TMEM41B: variants seen among roughly 807,000 people sequenced by gnomAD.
The protein encoded by TMEM41B is transmembrane protein 41B, also known as protein stasimon.
Under a neutral mutation model 31.9 loss-of-function variants are expected in TMEM41B, and 18 were observed. The observed-to-expected ratio is 0.56, with a 90% confidence interval of 0.39 to 0.84. The LOEUF is 0.84. TMEM41B is among the 40% of genes least tolerant of loss of function. TMEM41B has a pLI of 0.00. For synonymous variants in TMEM41B, 144 were observed against 124.3 expected (o/e 1.16, Z -1.05); for missense variants, 322 against 348.0 (o/e 0.93, Z 0.59).
At chr11:9,309,258 AAG>A (rs1256112613) in intron 1 of TMEM41B, among the ~76,000 whole-genome samples, 4 of 151,994 alleles carry the variant, frequency 2.6e-5, no homozygotes, top group African/African-American at 9.7e-5. Context: ...AAAAAAAAGA[AAG>A]AAAGAAAAAT....
chr11:9,307,529 G>A (rs1044583453), intron 1 of TMEM41B, among the ~76,000 whole-genome samples: 9 of 150,992 alleles, frequency 6.0e-5, no homozygotes, highest in South Asian at 2.1e-4. Flanking sequence ...CACAACCTCC[G>A]TCTCCCAGGT....
chr11:9,300,588 T>C (rs1013124857), intron 1 of TMEM41B, among the ~76,000 whole-genome samples: 20 of 152,200 alleles, frequency 1.3e-4, no homozygotes, highest in Admixed American at 7.2e-4. Flanking sequence ...TAAAAAATTA[T>C]ATGAACGAGG....
intron 3 of TMEM41B, 99 bp from the exon 4 acceptor site, chr11:9,288,634 T>C: frequency 1.2e-6 from 1 of 819,284 alleles, no homozygotes; most frequent in Non-Finnish European, 1.9e-6. Context: ...AAAATTATCA[T>C]ACAATGAGAT....
chr11:9,310,882 C>T (rs1853544332), intron 1 of TMEM41B, among the ~76,000 whole-genome samples: 1 of 152,018 alleles, frequency 6.6e-6, no homozygotes, highest in Non-Finnish European at 1.5e-5. Context: ...CACTAAATTC[C>T]CCAAGTATGC....
intron 6 of TMEM41B, 34 bp from the exon 7 acceptor site, chr11:9,283,627 C>T: frequency 1.9e-6 from 3 of 1,557,078 alleles, no homozygotes; most frequent in Non-Finnish European, 2.6e-6. Flanking sequence ...CAGTAAAAAC[C>T]ACCGCAATTG....
chr11:9,303,135 G>C (rs1346833609), intron 1 of TMEM41B, among the ~76,000 whole-genome samples: 1 of 150,548 alleles, frequency 6.6e-6, no homozygotes, highest in Non-Finnish European at 1.5e-5. Context: ...TCCTGCCTCA[G>C]CCTCCCAAGT....
chr11:9,308,933 A>C (rs558785348), intron 1 of TMEM41B, among the ~76,000 whole-genome samples: 1 of 152,280 alleles, frequency 6.6e-6, no homozygotes, highest in South Asian at 2.1e-4. Flanking sequence ...GCTGACATCA[A>C]ATAAGCAAAT....
intron 1 of TMEM41B, among the ~76,000 whole-genome samples, chr11:9,303,650 C>CTTTTTTT (rs71062827): frequency 5.8e-4 from 61 of 104,762 alleles, no homozygotes; most frequent in Non-Finnish European, 7.8e-4. Flanking sequence ...TATTCTTTTT[C>CTTTTTTT]TTTTTTTTTT....
chr11:9,284,814 T>C (rs1186623863), intron 6 of TMEM41B, among the ~76,000 whole-genome samples: 3 of 151,508 alleles, frequency 2.0e-5, no homozygotes, highest in Non-Finnish European at 4.4e-5. Context: ...AATTTCAAGG[T>C]CAAGATACTC....
rs920344215 is a variant in TMEM41B at position 9,281,003 on chromosome 11, C to T, written c.*2421G>A. 1 of 151,944 alleles carries T rather than the reference C, an allele frequency of 6.6e-6. No individual in the cohort carries two copies. The highest frequency in any genetic ancestry group is 1.5e-5 in the Non-Finnish European group (1 of 68,014). 9.4% of individuals were successfully genotyped at this position (151,944 alleles called of 1,614,324 possible). A position where few individuals can be genotyped will look rare whatever the true frequency, so the allele number is the denominator to read the frequency against. ...GATGAATCTGGAAAAACTGTCTATT[C>T]TCTTAGGAGAAGAAAATATACCCCA... is the stretch of plus-strand genomic sequence containing the variant. On this transcript the variant is annotated 3_prime_UTR_variant, in exon 7 of 7. Coordinates refer to ENST00000528080, the MANE Select transcript of TMEM41B (RefSeq NM_015012.4).
intron 6 of TMEM41B, among the ~76,000 whole-genome samples, chr11:9,283,954 T>G (rs1852780400): frequency 1.3e-5 from 2 of 151,642 alleles, no homozygotes; most frequent in Admixed American, 6.6e-5. Flanking sequence ...CCGGCTAATT[T>G]TGTATTTTCA....
intron 3 of TMEM41B, among the ~76,000 whole-genome samples, chr11:9,293,594 A>C: frequency 6.6e-6 from 1 of 151,546 alleles, no homozygotes; most frequent in Non-Finnish European, 1.5e-5. Flanking sequence ...TGTTATTTTT[A>C]TTTTTTGGGG....
chr11:9,286,368 A>T, intron 6 of TMEM41B, 87 bp downstream of exon 6: 1 of 1,337,444 alleles, frequency 7.5e-7, no homozygotes, highest in Non-Finnish European at 1.0e-6. Flanking sequence ...CATAATCTGC[A>T]GAGAGCATGC....
chr11:9,286,472 A>G lies in TMEM41B; in HGVS notation c.689T>C (p.Phe230Ser). ...PVINVPLKVF[F>S]IGTFLGVAPP... ...GGGCTTACCTAGAAAAGTACCAATAAAAAAAACTTTCAATGGCACGTTTAT... is the reference window on the plus strand; with the variant it reads ...GGGCTTACCTAGAAAAGTACCAATAGAAAAAACTTTCAATGGCACGTTTAT... Residue 230 changes from phenylalanine (F) to serine (S), a missense_variant, in exon 6 of 7, where the codon TTT becomes TCT. Coordinates refer to ENST00000528080, the MANE Select transcript of TMEM41B (RefSeq NM_015012.4). The G allele has an allele frequency of 6.2e-7, 1 of 1,611,970 alleles. No individual in the cohort carries two copies. The highest frequency in any genetic ancestry group is 8.5e-7 in the Non-Finnish European group (1 of 1,179,366).
intron 6 of TMEM41B, among the ~76,000 whole-genome samples, chr11:9,286,164 A>AT (rs1852832483): frequency 6.9e-6 from 1 of 145,930 alleles, no homozygotes; most frequent in Non-Finnish European, 1.5e-5. Flanking sequence ...AGGCAATTTG[A>AT]TTTTTTTTCC....
intron 3 of TMEM41B, among the ~76,000 whole-genome samples, chr11:9,294,310 C>A (rs537779800): frequency 1.9e-4 from 29 of 150,290 alleles, no homozygotes; most frequent in Non-Finnish European, 3.4e-4. Context: ...CCCTGGCCAA[C>A]ATGGTGAAAC....
chr11:9,295,916 G>C (rs1853074710), intron 2 of TMEM41B, among the ~76,000 whole-genome samples: 2 of 151,994 alleles, frequency 1.3e-5, no homozygotes, highest in African/African-American at 4.8e-5. Flanking sequence ...GAGTGCATTG[G>C]CGCGATCTCG....
Position 9,295,264 on chromosome 11 carries a change from A to C in TMEM41B, c.363T>G (p.Tyr121Ter). 1 of 1,557,190 alleles carries C rather than the reference A, an allele frequency of 6.4e-7. No individual in the cohort carries two copies. Reference sequence around the variant, plus strand: ...TTTTTCAGTTAAAAGGATACAAAATATATGTAGCAAAATAAGCTACAAGTA... The same window carrying C: ...TTTTTCAGTTAAAAGGATACAAAATCTATGTAGCAAAATAAGCTACAAGTA... ...VQVLVAYFAT[Y>*]IFLQTFAIPG... Residue 121 changes from tyrosine to a stop codon, truncating the protein, a stop_gained, in exon 3 of 7, where the codon TAT becomes TAG. Transcript: ENST00000528080. LOFTEE classifies it high-confidence loss of function.
chr11:9,290,044 CACACACACACACACACAA>C (rs1852919018), intron 3 of TMEM41B, among the ~76,000 whole-genome samples: 1 of 151,218 alleles, frequency 6.6e-6, no homozygotes, highest in Non-Finnish European at 1.5e-5. Context: ...ACAAAACACA[CACACACACACACACACAA>C]ACACACACAC....
Sources: allele counts gnomAD v4.1 joint callset (sites outside exome capture counted in the v4.1 genomes callset), GRCh38; gene constraint gnomAD v4.1.1; transcripts MANE v1.5; gene names NCBI Gene and HGNC (gene_info 2026-07-23, HGNC 2026-07-21).